The following FGF14 variants were observed in gnomAD, a reference collection of about 807,000 sequenced individuals.
The protein encoded by FGF14 is fibroblast growth factor 14.
A neutral mutation model predicts 25.5 loss-of-function variants in FGF14; 5 were observed. The observed-to-expected ratio is 0.20, with a 90% CI of 0.10 to 0.41. The LOEUF (loss-of-function observed/expected upper bound fraction) is 0.41, where lower values mean the gene tolerates loss of function less well. FGF14 is among the 10% of genes least tolerant of loss of function. The probability of loss-of-function intolerance (pLI) is 1.00; values close to 1 mark genes in which losing one functional copy is unlikely to be tolerated. For missense variants in FGF14, 222 were observed against 320.1 expected (o/e 0.69, Z 2.34); for synonymous variants, 138 against 118.3 (o/e 1.17, Z -1.08).
chr13:101,964,185 T>C (rs1301656617), intron 1 of FGF14, among the ~76,000 whole-genome samples: 2 of 152,156 alleles, frequency 1.3e-5, no homozygotes, highest in Non-Finnish European at 2.9e-5. Context: ...ATGTATTAAA[T>C]ATATTAAATT....
intron 1 of FGF14, among the ~76,000 whole-genome samples, chr13:101,878,042 C>G (rs1194214690): frequency 1.3e-5 from 2 of 152,162 alleles, no homozygotes; most frequent in Non-Finnish European, 2.9e-5. Flanking sequence ...TGCAGTGACT[C>G]TTCACCATCC....
intron 1 of FGF14, among the ~76,000 whole-genome samples, chr13:102,207,737 C>T (rs2049994671): frequency 6.6e-6 from 1 of 151,120 alleles, no homozygotes; most frequent in African/African-American, 2.4e-5. Context: ...TAGGATTTTC[C>T]AAAATGTCTG....
chr13:102,339,252 A>C (rs949667373), intron 1 of FGF14, among the ~76,000 whole-genome samples: 1 of 151,960 alleles, frequency 6.6e-6, no homozygotes. Context: ...AAATGTAAAA[A>C]TTAAAAAAGA....
chr13:101,983,499 C>G (rs2038386475), intron 1 of FGF14, among the ~76,000 whole-genome samples: 1 of 152,086 alleles, frequency 6.6e-6, no homozygotes, highest in Non-Finnish European at 1.5e-5. Context: ...AGTCATCAAT[C>G]CAAATCCAGA....
At chr13:101,908,991 A>G (rs1401295104) in intron 1 of FGF14, among the ~76,000 whole-genome samples, 2 of 152,216 alleles carry the variant, frequency 1.3e-5, no homozygotes, top group African/African-American at 4.8e-5. Flanking sequence ...GAAATGGGGA[A>G]AGGATTCCCT....
intron 1 of FGF14, among the ~76,000 whole-genome samples, chr13:102,093,436 T>A (rs1483085909): frequency 6.6e-6 from 1 of 152,186 alleles, no homozygotes; most frequent in Non-Finnish European, 1.5e-5. Context: ...ACTATACTAC[T>A]ATAATTTCAT....
At chr13:102,070,366 A>C (rs1456111660) in intron 1 of FGF14, among the ~76,000 whole-genome samples, 3 of 152,224 alleles carry the variant, frequency 2.0e-5, no homozygotes, top group Non-Finnish European at 4.4e-5. Context: ...CTAATATCCA[A>C]AAGACAGACA....
At chr13:102,120,606 T>C (rs1469847016) in intron 1 of FGF14, among the ~76,000 whole-genome samples, 1 of 152,080 alleles carries the variant, frequency 6.6e-6, no homozygotes, top group African/African-American at 2.4e-5. Context: ...AGAACCCTGG[T>C]GAAATGCAGC....
intron 1 of FGF14, among the ~76,000 whole-genome samples, chr13:102,100,732 T>C (rs568270973): frequency 2.0e-5 from 3 of 152,376 alleles, no homozygotes; most frequent in Admixed American, 1.3e-4. Flanking sequence ...CACATTCATT[T>C]GTTACATTCT....
At chr13:102,033,497 G>A (rs562446553) in intron 1 of FGF14, among the ~76,000 whole-genome samples, 50 of 145,120 alleles carry the variant, frequency 3.4e-4, no homozygotes, top group Middle Eastern at 3.5e-3. Flanking sequence ...GCGTGTGCAC[G>A]CACACACACA....
At chr13:101,889,571 A>G (rs1594620009) in intron 1 of FGF14, among the ~76,000 whole-genome samples, 1 of 152,208 alleles carries the variant, frequency 6.6e-6, no homozygotes, top group South Asian at 2.1e-4. Context: ...GAAGAAATCC[A>G]TCCATCTCCA....
At chr13:101,898,396 T>A (rs2031043197) in intron 1 of FGF14, among the ~76,000 whole-genome samples, 1 of 141,704 alleles carries the variant, frequency 7.1e-6, no homozygotes, top group African/African-American at 2.8e-5. Context: ...AAATGAGTAT[T>A]GACAGAAATA....
At chr13:102,168,957 A>G (rs2048129924) in intron 1 of FGF14, among the ~76,000 whole-genome samples, 1 of 152,008 alleles carries the variant, frequency 6.6e-6, no homozygotes, top group South Asian at 2.1e-4. Context: ...AACATGGAGA[A>G]TTAGAGCACA....
At chr13:101,898,339 A>AC (rs1319440658) in intron 1 of FGF14, among the ~76,000 whole-genome samples, 3 of 79,876 alleles carry the variant, frequency 3.8e-5, no homozygotes, top group Non-Finnish European at 6.7e-5. Context: ...CATGAAACAT[A>AC]CAACACACAC....
At chr13:101,846,229 A>G (rs1219491889) in intron 3 of FGF14, among the ~76,000 whole-genome samples, 1 of 151,970 alleles carries the variant, frequency 6.6e-6, no homozygotes, top group Non-Finnish European at 1.5e-5. Flanking sequence ...TTTTGACCAC[A>G]AAGCTCCAGG....
chr13:101,940,342 C>T (rs1274927295), intron 1 of FGF14, among the ~76,000 whole-genome samples: 1 of 152,166 alleles, frequency 6.6e-6, no homozygotes, highest in Non-Finnish European at 1.5e-5. Context: ...GGAAGGGAGG[C>T]TCAAGCATTC....
Position 102,161,644 on chromosome 13 carries a change from AAG to A in FGF14, c.208+239825_208+239826del, listed in dbSNP as rs1371124086. ...GAAGAAGAAGAAGAAGAAGAAGAAG[AAG>A]AAGAAGAAGAAGAAGAAGAAGAAGA... On this transcript the variant is annotated intron_variant, in intron 1 of 4. Coordinates refer to the FGF14 transcript ENST00000376131. Among the ~76,000 whole-genome samples, 19 of 17,054 alleles carry A rather than the reference AAG, an allele frequency of 1.1e-3. 1 individual carries two copies. Among genetic ancestry groups the A allele is most frequent in the Admixed American group, 3.7e-3 (4 of 1,092 alleles). The allele number at this position is 17,054 out of a possible 152,430, so 11.2% of individuals were successfully genotyped here. A position where few individuals can be genotyped will look rare whatever the true frequency, so the allele number is the denominator to read the frequency against.
intron 1 of FGF14, among the ~76,000 whole-genome samples, chr13:101,991,185 C>G (rs1420590141): frequency 6.6e-6 from 1 of 151,936 alleles, no homozygotes; most frequent in South Asian, 2.1e-4. Flanking sequence ...GTAAAATTTA[C>G]TCATTTAAAG....
chr13:102,351,991 G>A (rs2057292594), intron 1 of FGF14, among the ~76,000 whole-genome samples: 1 of 152,142 alleles, frequency 6.6e-6, no homozygotes, highest in Non-Finnish European at 1.5e-5. Context: ...ACAGTAAGCA[G>A]GACTTGAATG....
Sources: gnomAD v4.1 joint callset for allele counts (sites outside exome capture counted in the v4.1 genomes callset) on GRCh38, gnomAD v4.1.1 for gene constraint, MANE v1.5 for transcripts, NCBI Gene and HGNC (gene_info 2026-07-23, HGNC 2026-07-21) for gene names.